The following SENP1 variants were observed in gnomAD, a reference collection of about 807,000 sequenced individuals.
The protein encoded by SENP1 is SUMO specific peptidase 1.
Under a neutral mutation model 93.0 loss-of-function variants are expected in SENP1, and 21 were observed. The observed-to-expected ratio is 0.23, with a 90% CI of 0.16 to 0.33. SENP1 has a LOEUF of 0.33. SENP1 is among the 10% of genes least tolerant of loss of function. The probability of loss-of-function intolerance (pLI) is 1.00; values close to 1 mark genes in which losing one functional copy is unlikely to be tolerated. For synonymous variants in SENP1, 256 were observed against 259.6 expected, an observed-to-expected ratio of 0.99 and a Z score of 0.13; for missense variants, 591 against 758.7, an observed-to-expected ratio of 0.78 and a Z score of 2.60.
At chr12:48,059,307 G>A (rs1178555174) in intron 13 of SENP1, among the ~76,000 whole-genome samples, 1 of 151,766 alleles carries the variant, frequency 6.6e-6, no homozygotes, top group Non-Finnish European at 1.5e-5. Context: ...CTTTTTTTGT[G>A]TGTCTCATAT....
chr12:48,052,513 T>C (rs1941894234), intron 13 of SENP1, among the ~76,000 whole-genome samples: 2 of 152,158 alleles, frequency 1.3e-5, no homozygotes, highest in African/African-American at 4.8e-5. Context: ...TCAAATTAAA[T>C]TTACCCTTAT....
At chr12:48,055,783 ATAT>A (rs1942203545) in intron 13 of SENP1, among the ~76,000 whole-genome samples, 2 of 145,898 alleles carry the variant, frequency 1.4e-5, no homozygotes, top group Admixed American at 1.4e-4. Context: ...TATATAATAT[ATAT>A]TATTTAATAT....
intron 13 of SENP1, among the ~76,000 whole-genome samples, chr12:48,058,825 A>C (rs939142119): frequency 1.3e-5 from 2 of 152,152 alleles, no homozygotes; most frequent in African/African-American, 4.8e-5. Context: ...CTTCTGGTAC[A>C]GGTCTGTTGG....
intron 9 of SENP1, among the ~76,000 whole-genome samples, chr12:48,070,569 A>G (rs2137009695): frequency 6.6e-6 from 1 of 152,290 alleles, no homozygotes; most frequent in Non-Finnish European, 1.5e-5. Context: ...CTCAATATTT[A>G]TACTAGTACC....
chr12:48,063,752 T>C lies in SENP1; in HGVS notation c.1365A>G (p.Lys455=), dbSNP rs765737024. The C allele has an allele frequency of 6.2e-7, 1 of 1,613,468 alleles. No individual in the cohort carries two copies. The highest frequency in any genetic ancestry group is 1.7e-5 in the Admixed American group (1 of 60,004). Residue 455 remains lysine (K), a synonymous_variant, in exon 13 of 18, where the codon AAA becomes AAG. Transcript: ENST00000549518. ...TCAGATGGTTTAGAGTTTGAATATC[T>C]TTGCGTGTAATGGTCAGGCGAAATG... ...SEAFRLTITR[K]DIQTLNHLNW...
intron 13 of SENP1, chr12:48,055,630 G>A (rs1351851302): frequency 2.6e-5 from 4 of 151,864 alleles, no homozygotes; most frequent in East Asian, 1.9e-4. Context: ...TGTGACCATT[G>A]AGCACTTGAA....
At chr12:48,068,609 G>A (rs1565765969) in intron 9 of SENP1, among the ~76,000 whole-genome samples, 2 of 152,016 alleles carry the variant, frequency 1.3e-5, no homozygotes, top group Admixed American at 6.6e-5. Context: ...TTAAAAAAAA[G>A]CGGGGGAGGA....
chr12:48,057,389 C>G (rs1016039887), intron 13 of SENP1, among the ~76,000 whole-genome samples: 6 of 147,466 alleles, frequency 4.1e-5, no homozygotes, highest in Non-Finnish European at 6.0e-5. Flanking sequence ...GCCACCACAC[C>G]TGGCTAATTT....
intron 15 of SENP1, 44 bp from the exon 16 acceptor site, chr12:48,047,106 G>C (rs768916468): frequency 1.7e-6 from 2 of 1,206,202 alleles, no homozygotes; most frequent in Non-Finnish European, 2.4e-6. Flanking sequence ...GGGGAACATC[G>C]ATGACAGCTG....
intron 13 of SENP1, among the ~76,000 whole-genome samples, chr12:48,054,412 TTAA>T (rs1942060873): frequency 6.6e-6 from 1 of 152,234 alleles, no homozygotes; most frequent in Non-Finnish European, 1.5e-5. Flanking sequence ...TTGTATAATG[TTAA>T]TAAGTCACTT....
chr12:48,105,400 A>G (rs1435481232), intron 1 of SENP1: 1 of 519,072 alleles, frequency 1.9e-6, no homozygotes, highest in Admixed American at 1.9e-5. Flanking sequence ...CAAGGGAATT[A>G]CCAGGAGGCG....
intron 1 of SENP1, among the ~76,000 whole-genome samples, chr12:48,104,312 T>C (rs201482953): frequency 1.2e-5 from 1 of 83,216 alleles, no homozygotes; most frequent in Non-Finnish European, 2.2e-5. Context: ...GACGCAATGT[T>C]AGCTTTATCC....
At chr12:48,093,031 C>T (rs1041465856) in intron 4 of SENP1, among the ~76,000 whole-genome samples, 1 of 152,150 alleles carries the variant, frequency 6.6e-6, no homozygotes, top group African/African-American at 2.4e-5. Context: ...GGCACACACC[C>T]ATTATCCCAA....
At chr12:48,092,000 T>C (rs538951555) in intron 4 of SENP1, among the ~76,000 whole-genome samples, 2 of 152,262 alleles carry the variant, frequency 1.3e-5, no homozygotes, top group African/African-American at 4.8e-5. Context: ...TGTAAAAAAG[T>C]TTTTAAAATT....
At position 48,084,940 on chromosome 12, in the gene SENP1, T is replaced by C. The variant is rs1199819179; in HGVS notation, c.381-1178A>G. On this transcript the variant is annotated intron_variant, in intron 5 of 17. Transcript: ENST00000549518. ...TGGTCTGAATCCAAATCAGACAAGA[T>C]CTAAAGAAAATCAAACAGTGCATAA... 1.1e-5 allele frequency: 6 copies of C among 539,484 alleles called. No individual in the cohort carries two copies. The Admixed American group carries it at 1.4e-4, about 12-fold the overall frequency. The allele number at this position is 539,484 out of a possible 1,614,324, so 33.4% of individuals were successfully genotyped here.
chr12:48,069,080 G>C (rs1943490954), intron 9 of SENP1, among the ~76,000 whole-genome samples: 1 of 150,530 alleles, frequency 6.6e-6, no homozygotes, highest in South Asian at 2.1e-4. Context: ...TTGAACCCGG[G>C]AGGCGGAGGT....
rs1944639407 is a variant in SENP1 at position 48,083,650 on chromosome 12, G to A, written c.493C>T (p.Arg165Cys). The change falls in exon 6 of 18, where the codon CGT becomes TGT. Residue 165 changes from arginine to cysteine, a missense_variant. Physicochemically the swap from Arg to Cys is radical, Grantham distance 180 (BLOSUM62 -3). Transcript: ENST00000549518. ...VPSPSWSGSC[R>C]RSLLSPKKTQ... ...TTCTTGGGGCTCAAAAGACTTCGAC[G>A]ACATGAACCACTCCAAGATGGACTT... The A allele has an allele frequency of 2.5e-6, 4 of 1,613,712 alleles. No homozygotes were observed. Among genetic ancestry groups the A allele is most frequent in the South Asian group, 1.1e-5 (1 of 91,040 alleles).
Position 48,101,491 on chromosome 12 carries a change from A to G in SENP1, c.-19T>C, listed in dbSNP as rs368224298. 28 of 1,595,886 alleles carry G rather than the reference A, an allele frequency of 1.8e-5. No homozygotes were observed. The highest frequency in any genetic ancestry group is 2.3e-5 in the Non-Finnish European group (27 of 1,171,404). On this transcript the variant is annotated 5_prime_UTR_variant, in exon 2 of 18. Transcript: ENST00000549518. ...TACCCATTTCAAGTCTTTTCACATC[A>G]CTGACTTTAGCAAAGATACAAAGTC...
chr12:48,089,052 A>T, intron 4 of SENP1, 92 bp from the exon 5 acceptor site: 1 of 1,533,308 alleles, frequency 6.5e-7, no homozygotes, highest in Non-Finnish European at 8.8e-7. Context: ...ATTCCAAAGT[A>T]ATGTGGCATG....
Sources: allele counts gnomAD v4.1 joint callset (sites outside exome capture counted in the v4.1 genomes callset), GRCh38; gene constraint gnomAD v4.1.1; transcripts MANE v1.5; gene names NCBI Gene and HGNC (gene_info 2026-07-23, HGNC 2026-07-21).